SUN2: variants seen among roughly 807,000 people sequenced by gnomAD.
The protein encoded by SUN2 is Sad1 and UNC84 domain containing 2.
A neutral mutation model predicts 100.0 loss-of-function variants in SUN2; 60 were observed. The ratio of observed to expected loss-of-function variants is 0.60; its 90% CI spans 0.49 to 0.74. The LOEUF (loss-of-function observed/expected upper bound fraction) is 0.74. Among genes scored for constraint, SUN2 ranks in the 30% least tolerant of loss-of-function variants. The pLI is 0.00. For missense variants in SUN2, 834 were observed against 954.6 expected, an observed-to-expected ratio of 0.87 and a Z score of 1.66; for synonymous variants, 367 against 403.3, an observed-to-expected ratio of 0.91 and a Z score of 1.08.
chr22:38,746,430 G>C (rs1641527739), intron 7 of SUN2, among the ~76,000 whole-genome samples: 1 of 152,180 alleles, frequency 6.6e-6, no homozygotes, highest in South Asian at 2.1e-4. Flanking sequence ...TGAGCTCTGG[G>C]GCAGGTGGCA....
rs769627673 is a variant in SUN2 at position 38,738,655 on chromosome 22, C to G, written c.1879G>C (p.Glu627Gln). Residue 627 changes from glutamate (E) to glutamine (Q), a missense_variant, in exon 16 of 18, where the codon GAG (glutamate) becomes CAG (glutamine). Around this residue, in one of 3 missense-constraint regions of SUN2, gnomAD observed 195 missense variants for 280.2 expected, o/e 0.70. Transcript: ENST00000689035. This position sits in a 1 kb window ranked among gnomAD's most constrained non-coding sequence, Gnocchi z 6.6. ...GGTGACAAGGCCTTGGGCACATGCT[C>G]TAAGGTAACGGCTGTGGGGCGGATG... ...ARIRPTAVTL[E>Q]HVPKALSPNS... 14 of 1,614,040 alleles carry G rather than the reference C, an allele frequency of 8.7e-6. No individual in the cohort carries two copies. The highest frequency in any genetic ancestry group is 1.6e-4 in the Middle Eastern group (1 of 6,062).
chr22:38,739,742 C>T lies in SUN2; in HGVS notation c.1558G>A (p.Val520Met). Residue 520 changes from valine (V) to methionine (M), a missense_variant, in exon 13 of 18, where the codon GTG becomes ATG. Physicochemically the swap from Val to Met is conservative, Grantham distance 21 (BLOSUM62 1). This residue lies in a region of SUN2 where 195 missense variants were observed against 280.2 expected (regional missense o/e 0.70). Coordinates refer to ENST00000689035, the MANE Select transcript of SUN2 (RefSeq NM_015374.3). This position sits in a 1 kb window ranked among gnomAD's most constrained non-coding sequence, Gnocchi z 6.7. ...SLSLTLQKEG[V>M]IGVTEEQVHH... is the part of the protein sequence containing the mutation. Reference sequence around the variant, plus strand: ...CTCACCTCCTCTGTCACTCCAATCACACCTTCTTTCTGCAGCGTCAGGCTC... The same window carrying T: ...CTCACCTCCTCTGTCACTCCAATCATACCTTCTTTCTGCAGCGTCAGGCTC... The T allele has an allele frequency of 6.2e-7, 1 of 1,613,694 alleles. No homozygotes were observed. Among genetic ancestry groups the T allele is most frequent in the South Asian group, 1.1e-5 (1 of 91,082 alleles).
In SUN2 at chr22:38,741,170, C is replaced by A. The variant is rs1391288910; in HGVS notation, c.1147-120G>T. 1.2e-5 allele frequency: 13 copies of A among 1,128,120 alleles called. No individual in the cohort carries two copies. In the South Asian group the frequency reaches 1.3e-4, roughly 12 times the overall value. The allele number at this position is 1,128,120 out of a possible 1,614,324, so 69.9% of individuals were successfully genotyped here. Reference sequence around the variant, plus strand: ...CACACCCCTGCCCAAGGTCTCTTGACCCCTGCAGCAAAAATCAAACTGGCC... The same window carrying A: ...CACACCCCTGCCCAAGGTCTCTTGAACCCTGCAGCAAAAATCAAACTGGCC... On this transcript the variant is annotated intron_variant, in intron 10 of 17. Transcript: ENST00000689035.
Position 38,735,161 on chromosome 22 carries a change from C to T in SUN2, c.*1106G>A, listed in dbSNP as rs551068411. The T allele has an allele frequency of 6.8e-6, 3 of 438,982 alleles. No homozygotes were observed. The highest frequency in any genetic ancestry group is 1.4e-5 in the Non-Finnish European group (3 of 220,262). 27.2% of individuals were successfully genotyped at this position (438,982 alleles called of 1,614,324 possible). A position where few individuals can be genotyped will look rare whatever the true frequency, so the allele number is the denominator to read the frequency against. ...TGGCTCTAAAAGTCCCCTCCTCCCC[C>T]TTCCCTATCCAGGGTAACTTCTGCC... On this transcript the variant is annotated 3_prime_UTR_variant, in exon 18 of 18. Coordinates refer to ENST00000689035, the MANE Select transcript of SUN2 (RefSeq NM_015374.3).
In SUN2 at chr22:38,735,516, C is replaced by T; in HGVS notation, c.*751G>A. ...GGCAGGCCCTAGCAGGAACAGGGAG[C>T]AGGGTGGGCCCCAACCTAGCATCAG... is the stretch of plus-strand genomic sequence containing the variant. On this transcript the variant is annotated 3_prime_UTR_variant, in exon 18 of 18. Coordinates refer to ENST00000689035, the MANE Select transcript of SUN2 (RefSeq NM_015374.3). 1 of 273,952 alleles carries T rather than the reference C, an allele frequency of 3.7e-6. No individual in the cohort carries two copies. Among genetic ancestry groups the T allele is most frequent in the East Asian group, 1.2e-4 (1 of 8,564 alleles). The allele number at this position is 273,952 out of a possible 1,614,324, so 17.0% of individuals were successfully genotyped here.
rs2092833197 is a variant in SUN2, at chr22:38,739,181, TC to T, written c.1663+160del. The T allele has an allele frequency of 1.1e-6, 1 of 926,810 alleles. No homozygotes were observed. Among genetic ancestry groups the T allele is most frequent in the Non-Finnish European group, 1.7e-6 (1 of 590,062 alleles). 57.4% of individuals were successfully genotyped at this position (926,810 alleles called of 1,614,324 possible). Reference sequence around the variant, plus strand: ...GGATGGTACTCGGTACGTCCTGACTTCCCTGAATTGCCACTTGCCTTTGTCA... The same window carrying T: ...GGATGGTACTCGGTACGTCCTGACTTCCTGAATTGCCACTTGCCTTTGTCA... On this transcript the variant is annotated intron_variant, in intron 14 of 17. Transcript: ENST00000689035. The surrounding 1 kb of genome is among the most constrained non-coding windows in gnomAD (Gnocchi z 6.7).
rs1413877326 is a variant in SUN2, at chr22:38,737,872, C to T, written c.2040+301G>A. 2.0e-5 allele frequency: 12 copies of T among 595,968 alleles called. No homozygotes were observed. The highest frequency in any genetic ancestry group is 3.2e-5 in the Non-Finnish European group (10 of 309,196). The allele number at this position is 595,968 out of a possible 1,614,324, so 36.9% of individuals were successfully genotyped here. A position where few individuals can be genotyped will look rare whatever the true frequency, so the allele number is the denominator to read the frequency against. ...CTGGCATGTGCTGGCGGCGGCTCCT[C>T]GAACGCCTCTCCCGGCCTTCCTTTC... is the stretch of plus-strand genomic sequence containing the variant. On this transcript the variant is annotated intron_variant, in intron 17 of 17. Transcript: ENST00000689035. This position sits in a 1 kb window ranked among gnomAD's most constrained non-coding sequence, Gnocchi z 4.1.
At chr22:38,744,726 G>A (rs2092889427) in intron 8 of SUN2, among the ~76,000 whole-genome samples, 2 of 152,140 alleles carry the variant, frequency 1.3e-5, no homozygotes, top group East Asian at 3.8e-4. Context: ...GGCTAGTCTC[G>A]AACTCCTGGC....
chr22:38,752,163 C>G (rs1278149209), intron 2 of SUN2, among the ~76,000 whole-genome samples: 1 of 152,110 alleles, frequency 6.6e-6, no homozygotes, highest in Non-Finnish European at 1.5e-5. Context: ...TTAGTAGAGA[C>G]GGAGTTTCAC....
chr22:38,740,179 G>T lies in SUN2; in HGVS notation c.1356+88C>A. The T allele has an allele frequency of 1.1e-5, 15 of 1,426,670 alleles. No homozygotes were observed. Among genetic ancestry groups the T allele is most frequent in the Non-Finnish European group, 1.1e-5 (12 of 1,082,414 alleles). 88.4% of individuals were successfully genotyped at this position (1,426,670 alleles called of 1,614,324 possible). On this transcript the variant is annotated intron_variant, in intron 12 of 17. Transcript: ENST00000689035. This position sits in a 1 kb window ranked among gnomAD's most constrained non-coding sequence, Gnocchi z 4.8. The stretch of plus-strand genomic sequence containing the variant: ...CTTGGGCATAACAGAGGCTGCAGGG[G>T]CAAGGGGTGCTGCTTTGCAGGCCCC...
Position 38,739,302 on chromosome 22 carries a change from G to A in SUN2, c.1663+40C>T. On this transcript the variant is annotated intron_variant, in intron 14 of 17. Transcript: ENST00000689035. The surrounding 1 kb of genome is among the most constrained non-coding windows in gnomAD (Gnocchi z 6.7). ...GATGCCAGGGGACCGGCCATTGCGG[G>A]GTCCAGGACAAGGCAGAGCGAGGAA... The A allele has an allele frequency of 6.2e-7, 1 of 1,601,458 alleles. No individual in the cohort carries two copies. The highest frequency in any genetic ancestry group is 8.5e-7 in the Non-Finnish European group (1 of 1,169,612).
intron 4 of SUN2, among the ~76,000 whole-genome samples, chr22:38,750,553 A>G (rs1324250793): frequency 6.6e-6 from 1 of 152,206 alleles, no homozygotes; most frequent in African/African-American, 2.4e-5. Flanking sequence ...TGCTGTTCAG[A>G]ACTAGGTGCT....
At position 38,736,378 on chromosome 22, in the gene SUN2, G is replaced by A. The variant is rs751159582; in HGVS notation, c.2043C>T (p.Ala681=). 2.5e-6 allele frequency: 4 copies of A among 1,611,842 alleles called. No individual in the cohort carries two copies. Among genetic ancestry groups the A allele is most frequent in the African/African-American group, 1.3e-5 (1 of 74,860 alleles). Residue 681 remains alanine, a splice_region_variant and synonymous_variant, in exon 18 of 18, where the codon GCC becomes GCT. Transcript: ENST00000689035. The part of the protein sequence containing the change: ...GEPIQTFHFQ[A]PTMATYQVVE... ...CCACCTGGTACGTGGCCATCGTAGG[G>A]GCCTGGGTAGAGAAGAAAGGGATTA...
chr22:38,738,304 C>G lies in SUN2; in HGVS notation c.1948-39G>C, dbSNP rs1201679401. 1.3e-6 allele frequency: 2 copies of G among 1,556,154 alleles called. No homozygotes were observed. Among genetic ancestry groups the G allele is most frequent in the East Asian group, 4.5e-5 (2 of 44,524 alleles). ...GGAGGGAAGTGGGGAGGGGCTGGAG[C>G]AGGGAGAACACCCCTCCCCACTCCA... On this transcript the variant is annotated intron_variant, in intron 16 of 17. Transcript: ENST00000689035. The surrounding 1 kb of genome is among the most constrained non-coding windows in gnomAD (Gnocchi z 6.6).
chr22:38,736,501 G>T, intron 17 of SUN2, 121 bp from the exon 18 acceptor site: 4 of 720,214 alleles, frequency 5.6e-6, no homozygotes, highest in Non-Finnish European at 6.6e-6. Context: ...CTTCCCTGGG[G>T]CTCTGAAGAG....
chr22:38,748,868 G>A (rs1569303369), intron 6 of SUN2, 85 bp from the exon 7 acceptor site: 5 of 1,388,006 alleles, frequency 3.6e-6, no homozygotes, highest in African/African-American at 1.4e-5. Context: ...GGAGTACCCT[G>A]AGATGTTTTC....
chr22:38,751,104 G>A (rs1446868574), intron 3 of SUN2, 69 bp from the exon 4 acceptor site: 2 of 1,609,474 alleles, frequency 1.2e-6, no homozygotes. Context: ...TCTGGGCAGA[G>A]AGGTGCTCTG....
chr22:38,750,076 G>T, intron 5 of SUN2, 149 bp downstream of exon 5: 1 of 1,322,400 alleles, frequency 7.6e-7, no homozygotes, highest in Non-Finnish European at 1.0e-6. Context: ...GGTCCCCACA[G>T]CTCTGGGCTC....
At chr22:38,749,896 G>T in intron 5 of SUN2, 37 bp from the exon 6 acceptor site, 1 of 1,583,332 alleles carries the variant, frequency 6.3e-7, no homozygotes, top group Non-Finnish European at 8.6e-7. Flanking sequence ...GCTCCATATG[G>T]TGTTTGGGGG....
Sources: allele counts gnomAD v4.1 joint callset (sites outside exome capture counted in the v4.1 genomes callset), GRCh38; gene constraint gnomAD v4.1.1; regional missense constraint gnomAD v4.1.1; non-coding constraint Gnocchi (gnomAD v3.1); transcripts MANE v1.5; gene names NCBI Gene and HGNC (gene_info 2026-07-23, HGNC 2026-07-21).